Variants in THYN1 observed in about 807,000 individuals in gnomAD.
THYN1 encodes the protein thymocyte nuclear protein 1.
THYN1 carries 32 observed loss-of-function variants against 30.6 expected under a neutral mutation model. That is an observed-to-expected ratio of 1.05 (90% confidence interval 0.79 to 1.40). The LOEUF is 1.40. Ranked by LOEUF, THYN1 falls within the 40% of genes most tolerant of loss-of-function variation. The pLI is 0.00. For synonymous variants in THYN1, 107 were observed against 90.8 expected (o/e 1.18, Z -1.01); for missense variants, 259 against 272.6 (o/e 0.95, Z 0.35).
Position 134,248,841 on chromosome 11 carries a change from C to T in THYN1, c.599G>A (p.Arg200His), listed in dbSNP as rs771312843. Reference sequence around the variant, plus strand: ...CAGGGGCTGGATTGATAATCTCTGGCGAGTGAAGAGAACCATATTTTTTAA... The same window carrying T: ...CAGGGGCTGGATTGATAATCTCTGGTGAGTGAAGAGAACCATATTTTTTAA... The part of the protein sequence containing the change: ...GPLKNMVLFT[R>H]QRLSIQPLTQ... The change falls in exon 6 of 7, where the codon CGC becomes CAC. Residue 200 changes from arginine (R) to histidine (H), a missense_variant. Arg to His is a conservative substitution (Grantham distance 29, BLOSUM62 0). Coordinates refer to ENST00000341541, the MANE Select transcript of THYN1 (RefSeq NM_014174.3). 8 of 1,614,024 alleles carry T rather than the reference C, an allele frequency of 5.0e-6. No homozygotes were observed. Among genetic ancestry groups the T allele is most frequent in the Middle Eastern group, 1.6e-4 (1 of 6,082 alleles).
intron 1 of THYN1, 44 bp from the exon 2 acceptor site, chr11:134,251,352 G>T: frequency 6.4e-7 from 1 of 1,565,680 alleles, no homozygotes. Context: ...CTTGTTAAAG[G>T]CAATGTTTCA....
chr11:134,250,179 C>G (rs1228950974), intron 3 of THYN1, 96 bp downstream of exon 3: 16 of 1,437,854 alleles, frequency 1.1e-5, no homozygotes, highest in African/African-American at 4.2e-5. Context: ...GAAAAAGCAA[C>G]CTTGGCCAAG....
chr11:134,250,189 G>T lies in THYN1; in HGVS notation c.291+86C>A, dbSNP rs1008285094. The T allele has an allele frequency of 1.1e-5, 16 of 1,488,488 alleles. No homozygotes were observed. The Admixed American group carries it at 1.6e-4, about 15-fold the overall frequency. The allele number at this position is 1,488,488 out of a possible 1,614,324, so 92.2% of individuals were successfully genotyped here. On this transcript the variant is annotated intron_variant, in intron 3 of 6. Transcript: ENST00000341541. ...TCTGAGAAAAAGCAACCTTGGCCAA[G>T]AGGTTCTGCTACTGAGTACGTCATG...
Position 134,250,318 on chromosome 11 carries a change from T to G in THYN1, c.248A>C (p.Gln83Pro). ...ATCCCAGCATGTTGTCTGTTTGGGCTGTGCTTTGAGATCCTCAATGCTGAA... is the reference window on the plus strand; with the variant it reads ...ATCCCAGCATGTTGTCTGTTTGGGCGGTGCTTTGAGATCCTCAATGCTGAA... Reference protein sequence around the residue: ...VKFSIEDLKAQPKQTTCWDGV... With the variant: ...VKFSIEDLKAPPKQTTCWDGV... Residue 83 changes from glutamine (Q) to proline (P), a missense_variant, in exon 3 of 7, where the codon CAG (glutamine) becomes CCG (proline). Gln to Pro is a moderately conservative substitution (Grantham distance 76). Transcript: ENST00000341541. 1 of 1,614,208 alleles carries G rather than the reference T, an allele frequency of 6.2e-7. No homozygotes were observed.
intron 1 of THYN1, chr11:134,251,767 C>T (rs1939072403): frequency 6.5e-6 from 1 of 152,934 alleles, no homozygotes; most frequent in African/African-American, 2.4e-5. Context: ...TTCTTGCTCA[C>T]TGTGGCTCCT....
Position 134,250,326 on chromosome 11 carries a change from G to A in THYN1, c.240C>T (p.Leu80=), listed in dbSNP as rs1938991303. 6.2e-7 allele frequency: 1 copy of A among 1,614,008 alleles called. No homozygotes were observed. The highest frequency in any genetic ancestry group is 8.5e-7 in the Non-Finnish European group (1 of 1,180,014). Residue 80 remains leucine (L), a synonymous_variant, in exon 3 of 7, where the codon CTC becomes CTT. Coordinates refer to ENST00000341541, the MANE Select transcript of THYN1 (RefSeq NM_014174.3). ...ATGTTGTCTGTTTGGGCTGTGCTTT[G>A]AGATCCTCAATGCTGAACTAGGCAA... is the stretch of plus-strand genomic sequence containing the variant. ...GVDVKFSIED[L]KAQPKQTTCW...
Position 134,252,837 on chromosome 11 carries a change from C to T in THYN1, c.43+3G>A. ...GCCTTTGTGCAGCCTAGGGGCAGCTCACCTGAACCAGAAGTCCCAGCCAGC... is the reference window on the plus strand; with the variant it reads ...GCCTTTGTGCAGCCTAGGGGCAGCTTACCTGAACCAGAAGTCCCAGCCAGC... On this transcript the variant is annotated splice_donor_region_variant and intron_variant, in intron 1 of 6. Coordinates refer to ENST00000341541, the MANE Select transcript of THYN1 (RefSeq NM_014174.3). 1 of 1,613,014 alleles carries T rather than the reference C, an allele frequency of 6.2e-7. No individual in the cohort carries two copies. The highest frequency in any genetic ancestry group is 8.5e-7 in the Non-Finnish European group (1 of 1,179,708).
At chr11:134,252,773 T>C in intron 1 of THYN1, 67 bp downstream of exon 1, 1 of 1,570,314 alleles carries the variant, frequency 6.4e-7, no homozygotes, top group South Asian at 1.1e-5. Flanking sequence ...GAAAAATGAG[T>C]ACTAAACAGG....
intron 1 of THYN1, 105 bp downstream of exon 1, chr11:134,252,735 C>T: frequency 7.6e-7 from 1 of 1,309,140 alleles, no homozygotes; most frequent in East Asian, 2.3e-5. Flanking sequence ...GTAAAAATAT[C>T]ACAAAGGGTT....
intron 4 of THYN1, 107 bp from the exon 5 acceptor site, chr11:134,249,369 T>TC: frequency 8.9e-7 from 1 of 1,117,368 alleles, no homozygotes; most frequent in Non-Finnish European, 1.4e-6. Flanking sequence ...TCTTAACCCA[T>TC]CTGCCTTGCT....
At position 134,248,683 on chromosome 11, in the gene THYN1, G is replaced by C. The variant is rs1375890823; in HGVS notation, c.631+126C>G. 2.9e-6 allele frequency: 4 copies of C among 1,402,000 alleles called. No individual in the cohort carries two copies. In the African/African-American group the frequency reaches 5.7e-5, roughly 20 times the overall value. 86.8% of individuals were successfully genotyped at this position (1,402,000 alleles called of 1,614,324 possible). The stretch of plus-strand genomic sequence containing the variant: ...CTCTGGCCACATTCCCTCCCTCATG[G>C]GTGTTACAGGTGAGGATGCTGACTG... On this transcript the variant is annotated intron_variant, in intron 6 of 6. Transcript: ENST00000341541.
Position 134,249,939 on chromosome 11 carries a change from G to A in THYN1, c.292-19C>T, listed in dbSNP as rs745959659. On this transcript the variant is annotated intron_variant, in intron 3 of 6. Transcript: ENST00000341541. ...TCCGAGCCTGTCCCGGGAGAAGAAA[G>A]AGTAACTATCCTCCCACCAGCTGGA... 8.1e-6 allele frequency: 13 copies of A among 1,606,694 alleles called. No individual in the cohort carries two copies. The Admixed American group carries it at 2.2e-4, about 27-fold the overall frequency.
rs185715208 is a variant in THYN1 at position 134,249,786 on chromosome 11, C to G, written c.384+42G>C. ...CTTTATATCTACTTAAGTTAGTCTC[C>G]CTGGAGGAAAAGGGATTCACACCAA... On this transcript the variant is annotated intron_variant, in intron 4 of 6. Coordinates refer to ENST00000341541, the MANE Select transcript of THYN1 (RefSeq NM_014174.3). 760 of 1,590,426 alleles carry G rather than the reference C, an allele frequency of 4.8e-4. 4 individuals carry two copies. In the African/African-American group the frequency reaches 8.5e-3, roughly 18 times the overall value.
At chr11:134,251,907 T>C (rs756048783) in intron 1 of THYN1, 2 of 152,276 alleles carry the variant, frequency 1.3e-5, no homozygotes, top group African/African-American at 4.8e-5. Flanking sequence ...TGGAACACAG[T>C]AGGCATTCAG....
chr11:134,249,212 G>C lies in THYN1; in HGVS notation c.435C>G (p.Pro145=), dbSNP rs2136058820. 1 of 1,614,168 alleles carries C rather than the reference G, an allele frequency of 6.2e-7. No homozygotes were observed. Among genetic ancestry groups the C allele is most frequent in the Non-Finnish European group, 8.5e-7 (1 of 1,180,044 alleles). The stretch of plus-strand genomic sequence containing the variant: ...CCTCTTTGCTAGATGGGTCATAATG[G>C]GGATTGTTTTTCTCAAACTGTGTGT... ...PDHTQFEKNN[P]HYDPSSKEDN... The change falls in exon 5 of 7, where the codon CCC becomes CCG. Residue 145 remains proline, a synonymous_variant. Coordinates refer to ENST00000341541, the MANE Select transcript of THYN1 (RefSeq NM_014174.3).
intron 4 of THYN1, 116 bp downstream of exon 4, chr11:134,249,712 A>G: frequency 1.1e-6 from 1 of 907,460 alleles, no homozygotes; most frequent in Non-Finnish European, 1.7e-6. Flanking sequence ...TAAAAGGGGG[A>G]TGGGGTGGGG....
chr11:134,253,033 C>G lies in THYN1; in HGVS notation c.-151G>C, dbSNP rs1010051300. 2.1e-6 allele frequency: 3 copies of G among 1,420,518 alleles called. No homozygotes were observed. The African/African-American group carries it at 4.4e-5, about 21-fold the overall frequency. The allele number at this position is 1,420,518 out of a possible 1,614,324, so 88.0% of individuals were successfully genotyped here. A position where few individuals can be genotyped will look rare whatever the true frequency, so the allele number is the denominator to read the frequency against. On this transcript the variant is annotated 5_prime_UTR_variant, in exon 1 of 7. Transcript: ENST00000341541. Reference sequence around the variant, plus strand: ...CTCCAACTTTTGCGAAACACAGACGCCTACGTTTGAGCCCTCAAATCCTTC... The same window carrying G: ...CTCCAACTTTTGCGAAACACAGACGGCTACGTTTGAGCCCTCAAATCCTTC...
chr11:134,252,951 T>C lies in THYN1; in HGVS notation c.-69A>G. On this transcript the variant is annotated 5_prime_UTR_variant, in exon 1 of 7. Transcript: ENST00000341541. ...ACGGAGATACAAGAAAGAATGCTAA[T>C]GTCCTCCAAAACCCGCGCAGAGCGA... 9.3e-6 allele frequency: 14 copies of C among 1,511,838 alleles called. No homozygotes were observed. The highest frequency in any genetic ancestry group is 1.2e-5 in the Non-Finnish European group (14 of 1,132,764). The allele number at this position is 1,511,838 out of a possible 1,614,324, so 93.7% of individuals were successfully genotyped here.
chr11:134,249,016 G>A, intron 5 of THYN1, 57 bp from the exon 6 acceptor site: 1 of 1,603,580 alleles, frequency 6.2e-7, no homozygotes, highest in South Asian at 1.1e-5. Flanking sequence ...TGTGCCCACT[G>A]TATTTTTAAC....
Sources: allele counts gnomAD v4.1 joint callset, GRCh38; gene constraint gnomAD v4.1.1; transcripts MANE v1.5; gene names NCBI Gene and HGNC (gene_info 2026-07-23, HGNC 2026-07-21).